The following SLC5A12 variants were observed in gnomAD, a reference collection of about 807,000 sequenced individuals.
SLC5A12 encodes solute carrier family 5 member 12.
Under a neutral mutation model 72.7 loss-of-function variants are expected in SLC5A12, and 46 were observed. The ratio of observed to expected loss-of-function variants is 0.63; its 90% CI spans 0.50 to 0.81. SLC5A12 has a LOEUF of 0.81. SLC5A12 is among the 30% of genes least tolerant of loss of function. The pLI is 0.00. For missense variants in SLC5A12, 683 were observed against 740.7 expected (o/e 0.92, Z 0.90); for synonymous variants, 275 against 264.4 (o/e 1.04, Z -0.39).
At chr11:26,719,788 C>G (rs1367825062) in intron 1 of SLC5A12, among the ~76,000 whole-genome samples, 1 of 152,194 alleles carries the variant, frequency 6.6e-6, no homozygotes, top group Non-Finnish European at 1.5e-5. Context: ...ACCAGCATTC[C>G]TCCTCTCTAT....
At chr11:26,713,047 C>T (rs766500025) in intron 1 of SLC5A12, among the ~76,000 whole-genome samples, 14 of 152,012 alleles carry the variant, frequency 9.2e-5, no homozygotes, top group East Asian at 3.9e-4. Context: ...AAATTTAGTT[C>T]GATCCTTTAT....
In SLC5A12 at chr11:26,668,813, T is replaced by C. The variant is rs1455395565; in HGVS notation, c.*2289A>G. The C allele has an allele frequency of 1.3e-5, 2 of 152,014 alleles. No homozygotes were observed. Among genetic ancestry groups the C allele is most frequent in the Admixed American group, 6.6e-5 (1 of 15,208 alleles). 9.4% of individuals were successfully genotyped at this position (152,014 alleles called of 1,614,324 possible). A position where few individuals can be genotyped will look rare whatever the true frequency, so the allele number is the denominator to read the frequency against. On this transcript the variant is annotated 3_prime_UTR_variant, in exon 15 of 15. Transcript: ENST00000396005. ...GGCAGAGATATTTTTATAATAATAATTGCATTTTCCAGTTGTATGACATTT... is the reference window on the plus strand; with the variant it reads ...GGCAGAGATATTTTTATAATAATAACTGCATTTTCCAGTTGTATGACATTT...
intron 8 of SLC5A12, among the ~76,000 whole-genome samples, chr11:26,694,774 C>T (rs1173192848): frequency 6.6e-6 from 1 of 152,138 alleles, no homozygotes; most frequent in African/African-American, 2.4e-5. Flanking sequence ...AAATATACCA[C>T]TCAGATAAAC....
chr11:26,698,858 T>C (rs1379565689), intron 6 of SLC5A12, among the ~76,000 whole-genome samples: 1 of 152,222 alleles, frequency 6.6e-6, no homozygotes, highest in Non-Finnish European at 1.5e-5. Flanking sequence ...CAATCACTCA[T>C]ATTATATAAC....
At chr11:26,700,426 T>C (rs72884805) in intron 6 of SLC5A12, among the ~76,000 whole-genome samples, 3,072 of 152,230 alleles carry the variant, frequency 0.02, 50 homozygotes, top group Middle Eastern at 0.034. Flanking sequence ...TTCTAGGTAT[T>C]GTAGCTATAG....
In SLC5A12 at chr11:26,669,205, T is replaced by TTCTTTCTTTCTTTCTTTCTTTC. The variant is rs1485234300; in HGVS notation, c.*1896_*1897insGAAAGAAAGAAAGAAAGAAAGA. On this transcript the variant is annotated 3_prime_UTR_variant, in exon 15 of 15. Transcript: ENST00000396005. ...TTTCTTCTTTTCTTTCTTTCTTTCT[T>TTCTTTCTTTCTTTCTTTCTTTC]TCTTTCTTTCTTTCTCTCTCTCCCT... 1.9e-4 allele frequency: 26 copies of TTCTTTCTTTCTTTCTTTCTTTC among 138,704 alleles called. No homozygotes were observed. The highest frequency in any genetic ancestry group is 6.7e-4 in the African/African-American group (24 of 35,760). 8.6% of individuals were successfully genotyped at this position (138,704 alleles called of 1,614,324 possible).
intron 9 of SLC5A12, among the ~76,000 whole-genome samples, chr11:26,689,375 G>A (rs966105144): frequency 1.3e-5 from 2 of 152,082 alleles, no homozygotes; most frequent in African/African-American, 4.8e-5. Context: ...ATTCCAGCCT[G>A]GGTAACAAGA....
intron 11 of SLC5A12, among the ~76,000 whole-genome samples, chr11:26,682,155 A>G (rs1301320451): frequency 6.6e-6 from 1 of 151,876 alleles, no homozygotes; most frequent in Non-Finnish European, 1.5e-5. Flanking sequence ...CAAGCAGAAG[A>G]GCCTGGCTGT....
At chr11:26,672,876 T>G (rs1165690099) in intron 14 of SLC5A12, among the ~76,000 whole-genome samples, 1 of 152,154 alleles carries the variant, frequency 6.6e-6, no homozygotes, top group African/African-American at 2.4e-5. Flanking sequence ...CACCATGACC[T>G]TGCTTTACGT....
At chr11:26,720,385 C>CT (rs1855452271) in intron 1 of SLC5A12, among the ~76,000 whole-genome samples, 1 of 150,468 alleles carries the variant, frequency 6.6e-6, no homozygotes. Context: ...AGAAGAGTGC[C>CT]TTTTTAAGTA....
chr11:26,706,859 A>G (rs1393089371), intron 4 of SLC5A12, among the ~76,000 whole-genome samples: 1 of 150,270 alleles, frequency 6.7e-6, no homozygotes, highest in African/African-American at 2.4e-5. Context: ...ATAATATAAA[A>G]CATTTAATAA....
At chr11:26,676,037 T>A (rs1349191789) in intron 13 of SLC5A12, among the ~76,000 whole-genome samples, 1 of 151,726 alleles carries the variant, frequency 6.6e-6, no homozygotes, top group East Asian at 1.9e-4. Flanking sequence ...TGAAATAAGG[T>A]AGATTACACA....
chr11:26,709,963 C>A (rs531249894), intron 3 of SLC5A12, among the ~76,000 whole-genome samples: 1 of 152,050 alleles, frequency 6.6e-6, no homozygotes, highest in Non-Finnish European at 1.5e-5. Context: ...GTTTGCTACA[C>A]CCATCAACCC....
At chr11:26,703,698 C>A in intron 5 of SLC5A12, 27 bp from the exon 6 acceptor site, 1 of 1,613,412 alleles carries the variant, frequency 6.2e-7, no homozygotes, top group Non-Finnish European at 8.5e-7. Context: ...AATGAGTGAA[C>A]AAAGATATTC....
intron 9 of SLC5A12, among the ~76,000 whole-genome samples, chr11:26,687,798 C>T (rs1018320378): frequency 1.3e-5 from 2 of 152,174 alleles, no homozygotes; most frequent in African/African-American, 4.8e-5. Context: ...TCACTAAGCA[C>T]TTGCCAAAAT....
intron 13 of SLC5A12, among the ~76,000 whole-genome samples, 181 bp downstream of exon 13, chr11:26,678,531 G>A (rs73436381): frequency 0.093 from 14,058 of 151,900 alleles, 1,011 homozygotes; most frequent in African/African-American, 0.2. Flanking sequence ...TATATTAATA[G>A]TCAGGTATAT....
chr11:26,693,813 C>T (rs1260274635), intron 8 of SLC5A12, among the ~76,000 whole-genome samples: 2 of 152,034 alleles, frequency 1.3e-5, no homozygotes, highest in Non-Finnish European at 2.9e-5. Flanking sequence ...AAAAACTGTC[C>T]AAGACCCATA....
Position 26,692,543 on chromosome 11 carries a change from T to A in SLC5A12, c.1099A>T (p.Ser367Cys). ...ATVTFEDFVK[S>C]CFPHLSDKLS... ...TTGTCGGAGAGATGAGGAAAACAGC[T>A]CTTGACAAAATCCTCAAAGGTCACT... Residue 367 changes from serine (S) to cysteine (C), a missense_variant, in exon 9 of 15, where the codon AGC (serine) becomes TGC (cysteine). Physicochemically the swap from Ser to Cys is moderately radical, Grantham distance 112. Coordinates refer to ENST00000396005, the MANE Select transcript of SLC5A12 (RefSeq NM_178498.4). 4 of 1,614,062 alleles carry A rather than the reference T, an allele frequency of 2.5e-6. No homozygotes were observed. The South Asian group carries it at 3.3e-5, about 13-fold the overall frequency.
At chr11:26,683,895 C>T (rs1470495429) in intron 10 of SLC5A12, 52 bp from the exon 11 acceptor site, 1 of 1,426,620 alleles carries the variant, frequency 7.0e-7, no homozygotes, top group Non-Finnish European at 9.7e-7. Flanking sequence ...GCATCTGTGA[C>T]TTCCTGGCAT....
Sources: gnomAD v4.1 joint callset for allele counts (sites outside exome capture counted in the v4.1 genomes callset) on GRCh38, gnomAD v4.1.1 for gene constraint, MANE v1.5 for transcripts, NCBI Gene and HGNC (gene_info 2026-07-23, HGNC 2026-07-21) for gene names.